ZFAND3: variants seen among roughly 807,000 people sequenced by gnomAD.
The protein encoded by ZFAND3 is zinc finger AN1-type containing 3.
In ZFAND3, 10 loss-of-function variants were observed where a neutral mutation model predicts 29.6. The observed-to-expected ratio is 0.34, with a 90% CI of 0.21 to 0.57. ZFAND3 has a LOEUF of 0.57. Ranked by LOEUF, ZFAND3 falls within the 20% of genes least tolerant of loss-of-function variation. The probability of loss-of-function intolerance (pLI) is 0.86; values close to 1 mark genes in which losing one functional copy is unlikely to be tolerated. For missense variants in ZFAND3, 230 were observed against 304.5 expected (o/e 0.76, Z 1.82); for synonymous variants, 128 against 112.6 (o/e 1.14, Z -0.87).
In ZFAND3 at chr6:38,041,631, T is replaced by TTTC. The variant is rs1193585476; in HGVS notation, c.113-19909_113-19907dup. On this transcript the variant is annotated intron_variant, in intron 2 of 5. Coordinates refer to ENST00000287218, the MANE Select transcript of ZFAND3 (RefSeq NM_021943.3). Reference sequence around the variant, plus strand: ...GTCACCACTGTTTTTTTATCTACTTTTTCTTCTTCTTCTTCTTCTTCTTCT... The same window carrying TTTC: ...GTCACCACTGTTTTTTTATCTACTTTTTCTTCTTCTTCTTCTTCTTCTTCTTCT... Among the ~76,000 whole-genome samples the TTTC allele has an allele frequency of 7.7e-3, 431 of 56,236 alleles. 40 individuals carry two copies. Among genetic ancestry groups the TTTC allele is most frequent in the Non-Finnish European group, 0.012 (257 of 21,590 alleles). 36.9% of individuals were successfully genotyped at this position (56,236 alleles called of 152,430 possible).
At chr6:37,975,801 T>G (rs945054001) in intron 2 of ZFAND3, among the ~76,000 whole-genome samples, 2 of 152,214 alleles carry the variant, frequency 1.3e-5, no homozygotes, top group African/African-American at 4.8e-5. Flanking sequence ...TTATAATAAT[T>G]CTTGAAATCA....
At chr6:38,149,791 G>A (rs2127498962) in intron 5 of ZFAND3, among the ~76,000 whole-genome samples, 1 of 152,166 alleles carries the variant, frequency 6.6e-6, no homozygotes, top group East Asian at 1.9e-4. Flanking sequence ...GTTAATTCCA[G>A]CAGTAATCCA....
chr6:37,952,181 G>A (rs138217366), intron 2 of ZFAND3, among the ~76,000 whole-genome samples: 3 of 152,030 alleles, frequency 2.0e-5, no homozygotes, highest in African/African-American at 4.8e-5. Context: ...TGTGTGTCTC[G>A]GCCAGGTTTT....
chr6:37,879,906 A>G (rs1310183215), intron 1 of ZFAND3, among the ~76,000 whole-genome samples: 1 of 152,218 alleles, frequency 6.6e-6, no homozygotes, highest in Non-Finnish European at 1.5e-5. Context: ...GCATGGAGAC[A>G]AACCATTAGT....
At chr6:37,983,730 A>G (rs1266567237) in intron 2 of ZFAND3, among the ~76,000 whole-genome samples, 1 of 151,814 alleles carries the variant, frequency 6.6e-6, no homozygotes, top group Non-Finnish European at 1.5e-5. Context: ...TTAGATTCAC[A>G]AATACCTTTG....
chr6:38,041,720 C>T (rs764175563), intron 2 of ZFAND3, among the ~76,000 whole-genome samples: 837 of 1,968 alleles, frequency 0.43, 78 homozygotes, highest in East Asian at 0.72. Flanking sequence ...TCCTCCTCCT[C>T]CTCCTCCTCC....
At chr6:38,141,538 G>A (rs940451535) in intron 5 of ZFAND3, among the ~76,000 whole-genome samples, 3 of 152,156 alleles carry the variant, frequency 2.0e-5, no homozygotes, top group African/African-American at 4.8e-5. Context: ...TCTGAAATTT[G>A]CATATCTTCA....
intron 5 of ZFAND3, among the ~76,000 whole-genome samples, chr6:38,144,211 AATATATAATATATATATATATTTT>A (rs1766045774): frequency 1.1e-4 from 5 of 45,878 alleles, no homozygotes; most frequent in Non-Finnish European, 1.6e-4. Context: ...ATATATATAT[AATATATAATATATATATATATTTT>A]TTTTTTAATA....
At position 38,041,392 on chromosome 6, in the gene ZFAND3, G is replaced by A. The variant is rs140969669; in HGVS notation, c.113-20201G>A. ...CATCTATTGATGACTTTTGTTAACT[G>A]CATAATTTCTTCTGTGTTTATTAGT... On this transcript the variant is annotated intron_variant, in intron 2 of 5. Coordinates refer to ENST00000287218, the MANE Select transcript of ZFAND3 (RefSeq NM_021943.3). Among the ~76,000 whole-genome samples, 9 of 151,934 alleles carry A rather than the reference G, an allele frequency of 5.9e-5. No homozygotes were observed. In the East Asian group the frequency reaches 1.7e-3, roughly 29 times the overall value.
intron 1 of ZFAND3, among the ~76,000 whole-genome samples, chr6:37,902,256 C>T (rs891762220): frequency 1.3e-5 from 2 of 151,824 alleles, no homozygotes; most frequent in African/African-American, 2.4e-5. Context: ...CAAGACCAGC[C>T]GAGGCAACAT....
chr6:38,041,951 C>T (rs1308927261), intron 2 of ZFAND3, among the ~76,000 whole-genome samples: 1 of 149,608 alleles, frequency 6.7e-6, no homozygotes, highest in Non-Finnish European at 1.5e-5. Flanking sequence ...ATTCTTGTGC[C>T]TCAGCCTCCC....
intron 5 of ZFAND3, among the ~76,000 whole-genome samples, chr6:38,129,787 G>A (rs965867643): frequency 7.2e-6 from 1 of 139,586 alleles, no homozygotes; most frequent in African/African-American, 2.8e-5. Context: ...ATTTAGACTT[G>A]CTTTGGATAT....
intron 2 of ZFAND3, among the ~76,000 whole-genome samples, chr6:38,004,993 CA>C (rs1474918785): frequency 2.6e-5 from 4 of 152,140 alleles, no homozygotes; most frequent in African/African-American, 9.7e-5. Flanking sequence ...TTCTTGACAT[CA>C]CAAATTCATG....
chr6:38,067,804 C>T (rs1329249327), intron 3 of ZFAND3, among the ~76,000 whole-genome samples: 1 of 152,140 alleles, frequency 6.6e-6, no homozygotes, highest in African/African-American at 2.4e-5. Flanking sequence ...TACAAGTCAG[C>T]TTTTCTGTTG....
chr6:37,928,945 T>G (rs1461556232), intron 1 of ZFAND3, among the ~76,000 whole-genome samples: 1 of 152,228 alleles, frequency 6.6e-6, no homozygotes, highest in Non-Finnish European at 1.5e-5. Context: ...GATATTTTTC[T>G]GTAGTTCCTA....
At chr6:37,852,230 C>T (rs893923849) in intron 1 of ZFAND3, among the ~76,000 whole-genome samples, 1 of 152,082 alleles carries the variant, frequency 6.6e-6, no homozygotes, top group East Asian at 1.9e-4. Context: ...ATTTGTCTTC[C>T]AAGGGAGCAT....
chr6:38,095,867 A>G (rs1385369074), intron 4 of ZFAND3, among the ~76,000 whole-genome samples: 1 of 152,096 alleles, frequency 6.6e-6, no homozygotes, highest in Non-Finnish European at 1.5e-5. Flanking sequence ...CTTTGTGTCT[A>G]CAATCAATAC....
At chr6:37,868,944 A>G (rs1010094490) in intron 1 of ZFAND3, among the ~76,000 whole-genome samples, 1 of 152,090 alleles carries the variant, frequency 6.6e-6, no homozygotes. Context: ...TGCCATTTGA[A>G]CCTGTGGTTT....
At chr6:37,849,947 C>T (rs922832615) in intron 1 of ZFAND3, among the ~76,000 whole-genome samples, 2 of 152,164 alleles carry the variant, frequency 1.3e-5, no homozygotes, top group Non-Finnish European at 2.9e-5. Flanking sequence ...GTACTCCTTC[C>T]TCTGTGCTTC....
Sources: gnomAD v4.1 joint callset for allele counts (sites outside exome capture counted in the v4.1 genomes callset) on GRCh38, gnomAD v4.1.1 for gene constraint, MANE v1.5 for transcripts, NCBI Gene and HGNC (gene_info 2026-07-23, HGNC 2026-07-21) for gene names.